The following RANBP2 variants were observed in gnomAD, a reference collection of about 807,000 sequenced individuals.
RANBP2 encodes RAN binding protein 2, also known as E3 SUMO-protein ligase RanBP2.
A neutral mutation model predicts 303.6 loss-of-function variants in RANBP2; 57 were observed. The observed-to-expected ratio is 0.19, with a 90% CI of 0.15 to 0.23. The LOEUF is 0.23. RANBP2 is among the 10% of genes least tolerant of loss of function. RANBP2 has a pLI of 1.00. For synonymous variants in RANBP2, 1,167 were observed against 1,301.5 expected, an observed-to-expected ratio of 0.90 and a Z score of 2.23; for missense variants, 3,138 against 3,780.8, an observed-to-expected ratio of 0.83 and a Z score of 4.46.
chr2:109,454,762 T>C, the RANBP2 span, among the ~76,000 whole-genome samples: 1 of 152,010 alleles, frequency 6.6e-6, no homozygotes, highest in Non-Finnish European at 1.5e-5. Context: ...TGTGTGCGAG[T>C]CCTGACATAA....
chr2:109,224,158 C>T, the RANBP2 span, among the ~76,000 whole-genome samples: 1 of 152,046 alleles, frequency 6.6e-6, no homozygotes, highest in Admixed American at 6.5e-5. Flanking sequence ...GCTTGGCAGG[C>T]CTAGAGAGTG....
At chr2:109,498,692 T>G in the RANBP2 span, among the ~76,000 whole-genome samples, 7 of 152,042 alleles carry the variant, frequency 4.6e-5, no homozygotes, top group South Asian at 2.1e-4. Flanking sequence ...CAGGGAACTG[T>G]GGGGGGTCCT....
At chr2:109,359,313 T>C in the RANBP2 span, among the ~76,000 whole-genome samples, 5 of 152,256 alleles carry the variant, frequency 3.3e-5, no homozygotes, top group African/African-American at 1.2e-4. Context: ...CAAAAGAACT[T>C]GCTGATACTT....
chr2:109,113,858 T>C, the RANBP2 span, among the ~76,000 whole-genome samples: 50 of 152,370 alleles, frequency 3.3e-4, 1 homozygote, highest in South Asian at 0.01. Flanking sequence ...TTGTTGAATT[T>C]TGTCAAAGAC....
At chr2:108,960,415 T>TC in the RANBP2 span, among the ~76,000 whole-genome samples, 1 of 151,986 alleles carries the variant, frequency 6.6e-6, no homozygotes, top group African/African-American at 2.4e-5. Flanking sequence ...CCTGTGGTGC[T>TC]CCCCCCAAAA....
At chr2:109,427,222 G>T in the RANBP2 span, among the ~76,000 whole-genome samples, 213 of 152,220 alleles carry the variant, frequency 1.4e-3, no homozygotes, top group African/African-American at 5.0e-3. Flanking sequence ...ACCTGCCTCA[G>T]GCTACCAAAG....
chr2:108,922,983 CA>C, the RANBP2 span, among the ~76,000 whole-genome samples: 1 of 152,198 alleles, frequency 6.6e-6, no homozygotes, highest in African/African-American at 2.4e-5. Context: ...TGTCACCTAG[CA>C]CTTTGTAGTA....
the RANBP2 span, among the ~76,000 whole-genome samples, chr2:109,622,386 A>G: frequency 8.8e-4 from 134 of 152,298 alleles, no homozygotes; most frequent in African/African-American, 3.2e-3. Context: ...GCACCTAATG[A>G]AGTACAAATG....
At chr2:109,291,933 G>A in the RANBP2 span, among the ~76,000 whole-genome samples, 11 of 152,208 alleles carry the variant, frequency 7.2e-5, no homozygotes, top group African/African-American at 2.7e-4. Flanking sequence ...GCACAATCTC[G>A]GCTCACCACA....
At chr2:109,333,835 C>T in the RANBP2 span, among the ~76,000 whole-genome samples, 3 of 152,050 alleles carry the variant, frequency 2.0e-5, no homozygotes, top group Admixed American at 6.5e-5. Flanking sequence ...ATAATAATAT[C>T]TCCATTATAA....
At chr2:109,481,671 G>A in the RANBP2 span, among the ~76,000 whole-genome samples, 1 of 152,204 alleles carries the variant, frequency 6.6e-6, no homozygotes, top group Non-Finnish European at 1.5e-5. Context: ...TGTGGATGGA[G>A]GGCTCTGCCT....
the RANBP2 span, among the ~76,000 whole-genome samples, chr2:109,141,140 C>A: frequency 6.6e-6 from 1 of 152,096 alleles, no homozygotes; most frequent in Non-Finnish European, 1.5e-5. Flanking sequence ...TGCAACCACA[C>A]CCCCCGGAGC....
chr2:109,552,969 A>T, the RANBP2 span: 1 of 1,132,164 alleles, frequency 8.8e-7, no homozygotes, highest in Non-Finnish European at 1.3e-6. Flanking sequence ...TGGAAAAGCT[A>T]CTCTTTAAAG....
the RANBP2 span, among the ~76,000 whole-genome samples, chr2:109,412,374 G>A: frequency 2.6e-5 from 4 of 152,380 alleles, no homozygotes; most frequent in East Asian, 1.9e-4. Flanking sequence ...TGGCCCCAGC[G>A]TGGCTCTGGC....
the RANBP2 span, among the ~76,000 whole-genome samples, chr2:109,065,869 T>C: frequency 6.6e-6 from 1 of 152,134 alleles, no homozygotes; most frequent in African/African-American, 2.4e-5. Context: ...CAAAGTGAGG[T>C]GATGTAGGCC....
the RANBP2 span, among the ~76,000 whole-genome samples, chr2:109,448,177 G>A: frequency 6.6e-6 from 1 of 152,208 alleles, no homozygotes; most frequent in East Asian, 1.9e-4. Flanking sequence ...ATGCAGTGGT[G>A]CTTAATAATT....
intron 28 of RANBP2, 39 bp downstream of exon 28, chr2:108,782,901 A>C: frequency 6.6e-7 from 1 of 1,519,824 alleles, no homozygotes; most frequent in South Asian, 1.1e-5. Flanking sequence ...TGAGGTCTTG[A>C]AGAGTGCACC....
chr2:108,859,010 A>G, the RANBP2 span, among the ~76,000 whole-genome samples: 1 of 152,156 alleles, frequency 6.6e-6, no homozygotes, highest in Non-Finnish European at 1.5e-5. Context: ...TTTTGGTAGA[A>G]CAATTTCATT....
intron 4 of RANBP2, among the ~76,000 whole-genome samples, chr2:108,733,135 G>A (rs191950426): frequency 6.6e-6 from 1 of 151,698 alleles, no homozygotes; most frequent in South Asian, 2.1e-4. Context: ...AGCACATGAC[G>A]TTTTGAGGTT....
Sources: gnomAD v4.1 joint callset for allele counts (sites outside exome capture counted in the v4.1 genomes callset) on GRCh38, gnomAD v4.1.1 for gene constraint, MANE v1.5 for transcripts, NCBI Gene and HGNC (gene_info 2026-07-23, HGNC 2026-07-21) for gene names.